The following ATAD2 variants were observed in gnomAD, a reference collection of about 807,000 sequenced individuals.
ATAD2 encodes the protein ATPase family AAA domain-containing protein 2.
A neutral mutation model predicts 168.9 loss-of-function variants in ATAD2; 62 were observed. The observed-to-expected ratio is 0.37, with a 90% confidence interval of 0.30 to 0.45. The LOEUF (loss-of-function observed/expected upper bound fraction) is 0.45, where lower values mean the gene tolerates loss of function less well. ATAD2 is among the 20% of genes least tolerant of loss of function. ATAD2 has a pLI of 1.00. For synonymous variants in ATAD2, 613 were observed against 571.6 expected (o/e 1.07, Z -1.03); for missense variants, 1,419 against 1,667.8 (o/e 0.85, Z 2.60).
At chr8:123,415,815 G>C (rs1813258198) in intron 1 of ATAD2, among the ~76,000 whole-genome samples, 1 of 152,070 alleles carries the variant, frequency 6.6e-6, no homozygotes, top group African/African-American at 2.4e-5. Flanking sequence ...GGCTCGTCTC[G>C]AACCCCTGAC....
chr8:123,383,531 G>T (rs1376019367), intron 1 of ATAD2, among the ~76,000 whole-genome samples: 1 of 152,116 alleles, frequency 6.6e-6, no homozygotes. Flanking sequence ...CAGGACTTTG[G>T]GAGGCCGAGG....
chr8:123,396,411 G>C lies in ATAD2; in HGVS notation c.-54C>G. On this transcript the variant is annotated 5_prime_UTR_variant, in exon 1 of 28. Coordinates refer to ENST00000287394, the MANE Select transcript of ATAD2 (RefSeq NM_014109.4). ...CGACCGGAGAGAGATCCAGCTCCAG[G>C]CGCTCGCAGCTCTGGCTCTTCCGCG... 1 of 1,467,366 alleles carries C rather than the reference G, an allele frequency of 6.8e-7. No homozygotes were observed. The highest frequency in any genetic ancestry group is 9.0e-7 in the Non-Finnish European group (1 of 1,111,162). The allele number at this position is 1,467,366 out of a possible 1,614,324, so 90.9% of individuals were successfully genotyped here. A position where few individuals can be genotyped will look rare whatever the true frequency, so the allele number is the denominator to read the frequency against.
intron 24 of ATAD2, 61 bp from the exon 25 acceptor site, chr8:123,328,640 A>G: frequency 6.9e-7 from 1 of 1,449,736 alleles, no homozygotes; most frequent in Non-Finnish European, 9.2e-7. Flanking sequence ...AAATTCAAAG[A>G]GTGAAAAACC....
Position 123,402,051 on chromosome 8 carries a change from C to G in ATAD2, c.-2281-876G>C. 1 of 1,505,626 alleles carries G rather than the reference C, an allele frequency of 6.6e-7. No individual in the cohort carries two copies. The highest frequency in any genetic ancestry group is 1.1e-5 in the South Asian group (1 of 88,668). The allele number at this position is 1,505,626 out of a possible 1,614,324, so 93.3% of individuals were successfully genotyped here. A position where few individuals can be genotyped will look rare whatever the true frequency, so the allele number is the denominator to read the frequency against. ...CTCAAGTTTGAGAAGCGTACCATGTCGGCCCAGATTGAGGGTGGCGTCCAT... is the reference window on the plus strand; with the variant it reads ...CTCAAGTTTGAGAAGCGTACCATGTGGGCCCAGATTGAGGGTGGCGTCCAT... On this transcript the variant is annotated intron_variant, in intron 1 of 28. Coordinates refer to the ATAD2 transcript ENST00000521903. The surrounding 1 kb of genome is among the most constrained non-coding windows in gnomAD (Gnocchi z 4.8).
At chr8:123,334,352 A>T (rs372281422) in intron 22 of ATAD2, 30 bp from the exon 23 acceptor site, 710 of 1,473,368 alleles carry the variant, frequency 4.8e-4, no homozygotes, top group Non-Finnish European at 6.2e-4. Context: ...TGTAATTTTT[A>T]ATTTCCCCCT....
intron 2 of ATAD2, among the ~76,000 whole-genome samples, chr8:123,377,706 G>A (rs976442891): frequency 2.0e-5 from 3 of 152,152 alleles, no homozygotes; most frequent in Non-Finnish European, 2.9e-5. Context: ...TGTGTACCAC[G>A]ATGGGGCAAC....
At chr8:123,325,199 G>A (rs2131273559) in intron 26 of ATAD2, among the ~76,000 whole-genome samples, 1 of 148,486 alleles carries the variant, frequency 6.7e-6, no homozygotes, top group South Asian at 2.1e-4. Context: ...GGGTTCAAGT[G>A]ATTCTCCTGT....
rs767386936 is a variant in ATAD2 at position 123,369,906 on chromosome 8, ATCTTCATCATCT to A, written c.834_845del (p.Glu278_Glu281del). ...GATTCTCTTCTTCTCCATCTTCTTC[ATCTTCATCATCT>A]TCATCATCATCATCATCATCATCAT... is the stretch of plus-strand genomic sequence containing the variant. On this transcript the variant is annotated inframe_deletion, in exon 7 of 28. Coordinates refer to ENST00000287394, the MANE Select transcript of ATAD2 (RefSeq NM_014109.4). 185 of 1,580,522 alleles carry A rather than the reference ATCTTCATCATCT, an allele frequency of 1.2e-4. No homozygotes were observed. The African/African-American group carries it at 1.5e-3, about 13-fold the overall frequency.
chr8:123,410,883 C>G (rs1303753346), intron 1 of ATAD2, among the ~76,000 whole-genome samples: 1 of 152,238 alleles, frequency 6.6e-6, no homozygotes, highest in African/African-American at 2.4e-5. Flanking sequence ...CTGGATCGGG[C>G]TAAAGGCTTG....
At chr8:123,348,921 T>C (rs1024592594) in intron 14 of ATAD2, among the ~76,000 whole-genome samples, 10 of 152,138 alleles carry the variant, frequency 6.6e-5, no homozygotes, top group Non-Finnish European at 1.0e-4. Context: ...ATTTTCCTCT[T>C]TGGTTCCCAG....
At chr8:123,395,413 A>C (rs1812775918) in intron 1 of ATAD2, among the ~76,000 whole-genome samples, 1 of 152,100 alleles carries the variant, frequency 6.6e-6, no homozygotes, top group East Asian at 1.9e-4. Context: ...TTTCAAGAGG[A>C]CCCTCCTTCC....
At chr8:123,359,525 T>G in intron 10 of ATAD2, 52 bp downstream of exon 10, 1 of 1,497,226 alleles carries the variant, frequency 6.7e-7, no homozygotes, top group Non-Finnish European at 9.1e-7. Context: ...ACTTTAAAAC[T>G]AAAACAAAGC....
Position 123,379,380 on chromosome 8 carries a change from A to G in ATAD2, c.320+1149T>C, listed in dbSNP as rs186558632. Among the ~76,000 whole-genome samples, 49 of 152,300 alleles carry G rather than the reference A, an allele frequency of 3.2e-4. 1 individual carries two copies. Among genetic ancestry groups the G allele is most frequent in the Non-Finnish European group, 5.9e-5 (4 of 68,028 alleles). Reference sequence around the variant, plus strand: ...AGAAACAGAACTACGATTATGAATGAAGGCTTTGTATAGACTATGAAGTGG... The same window carrying G: ...AGAAACAGAACTACGATTATGAATGGAGGCTTTGTATAGACTATGAAGTGG... On this transcript the variant is annotated intron_variant, in intron 2 of 27. Coordinates refer to ENST00000287394, the MANE Select transcript of ATAD2 (RefSeq NM_014109.4).
intron 11 of ATAD2, 79 bp from the exon 12 acceptor site, chr8:123,357,815 T>C: frequency 7.5e-7 from 1 of 1,329,664 alleles, no homozygotes; most frequent in Non-Finnish European, 1.0e-6. Flanking sequence ...ACCAATTTCA[T>C]GATTCATTTA....
chr8:123,343,304 C>T (rs1024786425), intron 19 of ATAD2, among the ~76,000 whole-genome samples: 1 of 152,056 alleles, frequency 6.6e-6, no homozygotes, highest in Non-Finnish European at 1.5e-5. Context: ...GAGGCCTTAC[C>T]TAGCCTATTT....
At chr8:123,401,251 G>A (rs1292691002), upstream of ATAD2, 13 of 957,352 alleles carry the variant, frequency 1.4e-5, no homozygotes, top group Middle Eastern at 2.6e-4. Flanking sequence ...TGCCCTCACC[G>A]ACCTGAAGAA....
Position 123,344,548 on chromosome 8 carries a change from C to T in ATAD2, c.2718+336G>A, listed in dbSNP as rs543536496. ...ATTTTTAGTAGGGACAGGGTTTCAC[C>T]CTGTTAGCCAGGATGGTCTCAATCT... On this transcript the variant is annotated intron_variant, in intron 19 of 27. Transcript: ENST00000287394. 2.5e-5 allele frequency: 6 copies of T among 235,602 alleles called. No homozygotes were observed. The East Asian group carries it at 4.7e-4, about 18-fold the overall frequency. The allele number at this position is 235,602 out of a possible 1,614,324, so 14.6% of individuals were successfully genotyped here. A position where few individuals can be genotyped will look rare whatever the true frequency, so the allele number is the denominator to read the frequency against.
Position 123,328,596 on chromosome 8 carries a change from G to T in ATAD2, c.3479-17C>A. On this transcript the variant is annotated splice_polypyrimidine_tract_variant and intron_variant, in intron 24 of 27. Transcript: ENST00000287394. ...TCAACTGAGCTTCAAGAAATTTAAA[G>T]AAAAATGATGAAAGAACATTCAACC... is the stretch of plus-strand genomic sequence containing the variant. 6.7e-7 allele frequency: 1 copy of T among 1,488,372 alleles called. No homozygotes were observed. Among genetic ancestry groups the T allele is most frequent in the Non-Finnish European group, 8.9e-7 (1 of 1,121,046 alleles). The allele number at this position is 1,488,372 out of a possible 1,614,324, so 92.2% of individuals were successfully genotyped here. A position where few individuals can be genotyped will look rare whatever the true frequency, so the allele number is the denominator to read the frequency against.
In ATAD2 at chr8:123,320,852, T is replaced by G. The variant is rs1157187939; in HGVS notation, c.*282A>C. The G allele has an allele frequency of 3.0e-6, 1 of 330,990 alleles. No homozygotes were observed. Among genetic ancestry groups the G allele is most frequent in the Non-Finnish European group, 5.4e-6 (1 of 185,328 alleles). 20.5% of individuals were successfully genotyped at this position (330,990 alleles called of 1,614,324 possible). A position where few individuals can be genotyped will look rare whatever the true frequency, so the allele number is the denominator to read the frequency against. On this transcript the variant is annotated 3_prime_UTR_variant, in exon 28 of 28. Coordinates refer to ENST00000287394, the MANE Select transcript of ATAD2 (RefSeq NM_014109.4). ...ATTATTCTTAAGTGCCATAAAACATTAGTTACCAAAATAACTTTATTAAGA... is the reference window on the plus strand; with the variant it reads ...ATTATTCTTAAGTGCCATAAAACATGAGTTACCAAAATAACTTTATTAAGA...
Sources: allele counts gnomAD v4.1 joint callset (sites outside exome capture counted in the v4.1 genomes callset), GRCh38; gene constraint gnomAD v4.1.1; non-coding constraint Gnocchi (gnomAD v3.1); transcripts MANE v1.5; gene names NCBI Gene and HGNC (gene_info 2026-07-23, HGNC 2026-07-21).